Variants in TRPM6 observed in about 807,000 individuals in gnomAD.
TRPM6 encodes channel kinase 2.
Under a neutral mutation model 247.6 loss-of-function variants are expected in TRPM6, and 111 were observed. The observed-to-expected ratio is 0.45, with a 90% CI of 0.38 to 0.52. The LOEUF (loss-of-function observed/expected upper bound fraction) is 0.52, where lower values mean the gene tolerates loss of function less well. Among genes scored for constraint, TRPM6 ranks in the 20% least tolerant of loss-of-function variants. TRPM6 has a pLI of 0.00. For synonymous variants in TRPM6, 892 were observed against 853.8 expected, an observed-to-expected ratio of 1.04 and a Z score of -0.78; for missense variants, 2,126 against 2,421.5, an observed-to-expected ratio of 0.88 and a Z score of 2.56.
intron 1 of TRPM6, among the ~76,000 whole-genome samples, chr9:74,869,171 C>T (rs1416161902): frequency 6.6e-6 from 1 of 152,044 alleles, no homozygotes; most frequent in East Asian, 1.9e-4. Context: ...GTAAGATTCT[C>T]TTGGGAGAAG....
intron 11 of TRPM6, 109 bp downstream of exon 11, chr9:74,816,560 C>G: frequency 1.1e-6 from 1 of 887,960 alleles, no homozygotes; most frequent in East Asian, 2.6e-5. Flanking sequence ...AGATGCTACC[C>G]CACACTTCTA....
chr9:74,753,956 C>T (rs1409927743), intron 28 of TRPM6, among the ~76,000 whole-genome samples: 1 of 152,008 alleles, frequency 6.6e-6, no homozygotes, highest in East Asian at 1.9e-4. Flanking sequence ...TCCCAGAAAC[C>T]TCCTGCCACT....
intron 3 of TRPM6, among the ~76,000 whole-genome samples, chr9:74,853,488 G>A (rs1830427351): frequency 6.6e-6 from 1 of 152,200 alleles, no homozygotes; most frequent in Non-Finnish European, 1.5e-5. Context: ...AGTAGACATA[G>A]GAGACTCCAT....
chr9:74,748,248 T>C (rs971111973), intron 30 of TRPM6, among the ~76,000 whole-genome samples: 2 of 152,234 alleles, frequency 1.3e-5, no homozygotes, highest in Admixed American at 6.5e-5. Flanking sequence ...TATAAAAATA[T>C]AGTACATACA....
chr9:74,816,869 T>A, intron 10 of TRPM6, 23 bp downstream of exon 10: 1 of 1,613,512 alleles, frequency 6.2e-7, no homozygotes, highest in Non-Finnish European at 8.5e-7. Context: ...GAGGAACAAT[T>A]GCAACCCCAT....
intron 27 of TRPM6, among the ~76,000 whole-genome samples, chr9:74,758,532 AT>A (rs1194231506): frequency 6.6e-6 from 1 of 152,168 alleles, no homozygotes; most frequent in African/African-American, 2.4e-5. Context: ...AAAAGGAGAA[AT>A]ATCTGATCAC....
rs1375506037 is a variant in TRPM6, at chr9:74,785,860, T to C, written c.2919+14A>G. The stretch of plus-strand genomic sequence containing the variant: ...AAAAAAGAATACCAGGATATAAAAC[T>C]AGACTGTACTCACCATTTTTGCAAT... On this transcript the variant is annotated intron_variant, in intron 21 of 38. Transcript: ENST00000360774. 2 of 1,614,094 alleles carry C rather than the reference T, an allele frequency of 1.2e-6. No individual in the cohort carries two copies. The highest frequency in any genetic ancestry group is 2.2e-5 in the South Asian group (2 of 91,078).
At chr9:74,884,785 T>G (rs956102399) in intron 1 of TRPM6, among the ~76,000 whole-genome samples, 1 of 152,250 alleles carries the variant, frequency 6.6e-6, no homozygotes, top group African/African-American at 2.4e-5. Context: ...TATTCAATTC[T>G]GTTTACCTTA....
intron 19 of TRPM6, among the ~76,000 whole-genome samples, chr9:74,790,262 G>C (rs552480644): frequency 3.9e-5 from 6 of 152,126 alleles, no homozygotes; most frequent in Non-Finnish European, 4.4e-5. Context: ...GTGTAGAAGA[G>C]AAGCATATAA....
At chr9:74,797,990 C>A (rs192622875) in intron 17 of TRPM6, among the ~76,000 whole-genome samples, 200 of 152,276 alleles carry the variant, frequency 1.3e-3, no homozygotes, top group African/African-American at 4.7e-3. Flanking sequence ...TAGATCCAGA[C>A]ATCCACAAGT....
Position 74,788,928 on chromosome 9 carries a change from G to A in TRPM6, c.2539-186C>T, listed in dbSNP as rs73650075. Reference sequence around the variant, plus strand: ...AAGCACAACAATCCATGGTGTTCTAGTCTAGGATTTAGAGGCAGGAATGAA... The same window carrying A: ...AAGCACAACAATCCATGGTGTTCTAATCTAGGATTTAGAGGCAGGAATGAA... On this transcript the variant is annotated intron_variant, in intron 19 of 38. Coordinates refer to ENST00000360774, the MANE Select transcript of TRPM6 (RefSeq NM_017662.5). Among the ~76,000 whole-genome samples, 3,866 of 152,290 alleles carry A rather than the reference G, an allele frequency of 0.025. 116 individuals are homozygous for A. Among genetic ancestry groups the A allele is most frequent in the African/African-American group, 0.078 (3,223 of 41,542 alleles).
chr9:74,783,062 G>A (rs900985163), intron 21 of TRPM6, among the ~76,000 whole-genome samples: 18 of 152,110 alleles, frequency 1.2e-4, no homozygotes, highest in Non-Finnish European at 7.3e-5. Context: ...TTGGTCTATG[G>A]AATAATATAA....
chr9:74,886,662 A>G (rs1463561494), intron 1 of TRPM6, among the ~76,000 whole-genome samples: 1 of 152,192 alleles, frequency 6.6e-6, no homozygotes. Context: ...TTATAGGATT[A>G]CTGCCAGGAT....
chr9:74,823,468 G>A (rs751552661), intron 7 of TRPM6, among the ~76,000 whole-genome samples: 5 of 152,162 alleles, frequency 3.3e-5, no homozygotes, highest in Non-Finnish European at 5.9e-5. Flanking sequence ...TCCTGTGTCA[G>A]GCTCTCAAAT....
chr9:74,834,495 G>A (rs1248788716), intron 5 of TRPM6, among the ~76,000 whole-genome samples: 2 of 150,022 alleles, frequency 1.3e-5, no homozygotes, highest in Admixed American at 6.6e-5. Flanking sequence ...TTAAGTTCTA[G>A]GGTACATGCG....
chr9:74,830,761 T>G lies in TRPM6; in HGVS notation c.670-2812A>C, dbSNP rs758424782. On this transcript the variant is annotated intron_variant, in intron 6 of 38. Coordinates refer to ENST00000360774, the MANE Select transcript of TRPM6 (RefSeq NM_017662.5). Reference sequence around the variant, plus strand: ...CCAGCTAATTTTTGTTTTTTTTTTTTTTTTTTTTTTTTTTTTTGTAGACAA... The same window carrying G: ...CCAGCTAATTTTTGTTTTTTTTTTTGTTTTTTTTTTTTTTTTTGTAGACAA... Among the ~76,000 whole-genome samples, 139 of 139,048 alleles carry G rather than the reference T, an allele frequency of 1.0e-3. 1 individual carries two copies. The East Asian group carries it at 0.016, about 16-fold the overall frequency. 91.2% of individuals were successfully genotyped at this position (139,048 alleles called of 152,430 possible). A position where few individuals can be genotyped will look rare whatever the true frequency, so the allele number is the denominator to read the frequency against.
chr9:74,847,729 C>G (rs887861524), intron 3 of TRPM6, among the ~76,000 whole-genome samples: 1 of 151,904 alleles, frequency 6.6e-6, no homozygotes, highest in African/African-American at 2.4e-5. Context: ...AAAGTATACT[C>G]TAAACCATTG....
In TRPM6 at chr9:74,840,121, A is replaced by C; in HGVS notation, c.447T>G (p.Phe149Leu). 1 of 1,613,992 alleles carries C rather than the reference A, an allele frequency of 6.2e-7. No individual in the cohort carries two copies. Among genetic ancestry groups the C allele is most frequent in the Non-Finnish European group, 8.5e-7 (1 of 1,179,862 alleles). ...VISVHGGIQNFTMPSKFKEIF... is the reference protein window; with the variant it reads ...VISVHGGIQNLTMPSKFKEIF... Reference sequence around the variant, plus strand: ...TCTCTTTAAATTTAGAGGGCATAGTAAAGTTCTGGATGCCCCCATGGACTG... The same window carrying C: ...TCTCTTTAAATTTAGAGGGCATAGTCAAGTTCTGGATGCCCCCATGGACTG... Residue 149 changes from phenylalanine to leucine, a missense_variant, in exon 5 of 39, where the codon TTT (phenylalanine) becomes TTG (leucine). Phe to Leu is a conservative substitution (Grantham distance 22). This residue lies in a region of TRPM6 where 1,082 missense variants were observed against 1,307.9 expected (regional missense o/e 0.83). Coordinates refer to ENST00000360774, the MANE Select transcript of TRPM6 (RefSeq NM_017662.5).
At chr9:74,793,768 A>G (rs182526611) in intron 18 of TRPM6, among the ~76,000 whole-genome samples, 3 of 152,188 alleles carry the variant, frequency 2.0e-5, no homozygotes, top group Admixed American at 2.0e-4. Context: ...GAGCTTCCAG[A>G]GTTCCTTGAA....
Sources: gnomAD v4.1 joint callset for allele counts (sites outside exome capture counted in the v4.1 genomes callset) on GRCh38, gnomAD v4.1.1 for gene constraint, gnomAD v4.1.1 regional missense constraint, MANE v1.5 for transcripts, NCBI Gene and HGNC (gene_info 2026-07-23, HGNC 2026-07-21) for gene names.